The following DRC3 variants were observed in gnomAD, a reference collection of about 807,000 sequenced individuals.
DRC3 encodes the protein leucine rich repeat containing 48.
In DRC3, 45 loss-of-function variants were observed where a neutral mutation model predicts 57.6. That is an observed-to-expected ratio of 0.78 (90% CI 0.62 to 1.00). DRC3 has a LOEUF of 1.00. Ranked by LOEUF, DRC3 falls within the 50% of genes least tolerant of loss-of-function variation. The pLI is 0.00. For missense variants in DRC3, 655 were observed against 675.2 expected (o/e 0.97, Z 0.33); for synonymous variants, 257 against 272.3 (o/e 0.94, Z 0.55).
intron 9 of DRC3, among the ~76,000 whole-genome samples, chr17:18,001,649 G>C (rs2043735486): frequency 6.6e-6 from 1 of 151,814 alleles, no homozygotes; most frequent in African/African-American, 2.4e-5. Context: ...AAATTTTTTT[G>C]GCTGGGGGAG....
intron 3 of DRC3, among the ~76,000 whole-genome samples, chr17:17,979,657 G>T (rs1461543108): frequency 6.6e-6 from 1 of 152,208 alleles, no homozygotes; most frequent in Non-Finnish European, 1.5e-5. Flanking sequence ...CCGGCATGCT[G>T]GCGTGTGTGG....
At chr17:18,009,231 T>C (rs578191122) in intron 12 of DRC3, among the ~76,000 whole-genome samples, 39 of 152,234 alleles carry the variant, frequency 2.6e-4, no homozygotes, top group Non-Finnish European at 4.0e-4. Flanking sequence ...CTGGGTAACA[T>C]AGCGAGACCC....
At position 17,982,053 on chromosome 17, in the gene DRC3, C is replaced by T. The variant is rs1474457957; in HGVS notation, c.161-1775C>T. Among the ~76,000 whole-genome samples, 6 of 151,268 alleles carry T rather than the reference C, an allele frequency of 4.0e-5. No individual in the cohort carries two copies. In the East Asian group the frequency reaches 1.2e-3, roughly 30 times the overall value. ...TGTCATCCAGGCTGGAGTTCAGTGG[C>T]GTAATCTAGGCTCACTGCAACCTCT... On this transcript the variant is annotated intron_variant, in intron 3 of 13. Coordinates refer to ENST00000399187, the MANE Select transcript of DRC3 (RefSeq NM_031294.4).
chr17:17,985,509 G>C (rs984968785), intron 4 of DRC3, among the ~76,000 whole-genome samples: 1 of 152,188 alleles, frequency 6.6e-6, no homozygotes, highest in African/African-American at 2.4e-5. Context: ...TGAGGATGGG[G>C]GTTAGGGAGG....
chr17:17,999,623 T>C (rs916727890), intron 9 of DRC3, among the ~76,000 whole-genome samples: 9 of 152,330 alleles, frequency 5.9e-5, no homozygotes, highest in African/African-American at 1.9e-4. Flanking sequence ...GCTGCAGCCA[T>C]GTAAGGCTTG....
At chr17:18,014,482 A>C (rs1217808243) in intron 12 of DRC3, among the ~76,000 whole-genome samples, 2 of 152,224 alleles carry the variant, frequency 1.3e-5, no homozygotes, top group Non-Finnish European at 2.9e-5. Context: ...ACAACTTGTA[A>C]CTCACATTTC....
chr17:17,980,883 G>A (rs1185418244), intron 3 of DRC3, among the ~76,000 whole-genome samples: 2 of 152,164 alleles, frequency 1.3e-5, no homozygotes, highest in Non-Finnish European at 2.9e-5. Context: ...GTGAGCCACC[G>A]CACCTAGCCA....
intron 12 of DRC3, among the ~76,000 whole-genome samples, chr17:18,014,346 C>T (rs1054308254): frequency 6.6e-6 from 1 of 152,236 alleles, no homozygotes; most frequent in Non-Finnish European, 1.5e-5. Flanking sequence ...TGCACAGCCC[C>T]TGCCTCCACC....
intron 8 of DRC3, among the ~76,000 whole-genome samples, chr17:17,996,834 A>G (rs967493499): frequency 2.0e-5 from 3 of 152,164 alleles, no homozygotes; most frequent in African/African-American, 4.8e-5. Context: ...AGGATCACCA[A>G]GGTCCTGTAG....
chr17:17,998,504 CA>C (rs1419360139), intron 9 of DRC3, among the ~76,000 whole-genome samples: 1 of 152,174 alleles, frequency 6.6e-6, no homozygotes, highest in Non-Finnish European at 1.5e-5. Context: ...TCTTTTTCCT[CA>C]AAAAACTGTT....
intron 6 of DRC3, chr17:17,994,008 G>T (rs568507044): frequency 1.8e-4 from 65 of 368,574 alleles, no homozygotes; most frequent in African/African-American, 1.2e-3. Context: ...GCGCTCCATT[G>T]CTGTGGCTCC....
rs117403258 is a variant in DRC3 at position 18,010,881 on chromosome 17, G to A, written c.1326+3734G>A. The A allele has an allele frequency of 3.5e-3, 1,266 of 356,830 alleles. 10 individuals are homozygous for A. The highest frequency in any genetic ancestry group is 0.028 in the East Asian group (315 of 11,232). 22.1% of individuals were successfully genotyped at this position (356,830 alleles called of 1,614,324 possible). A position where few individuals can be genotyped will look rare whatever the true frequency, so the allele number is the denominator to read the frequency against. On this transcript the variant is annotated intron_variant, in intron 12 of 13. Transcript: ENST00000399187. Reference sequence around the variant, plus strand: ...TGGAAGAGATCTATCTCTTCTCCCCGCCCATCAAGTAGTCTGAGATCATTG... The same window carrying A: ...TGGAAGAGATCTATCTCTTCTCCCCACCCATCAAGTAGTCTGAGATCATTG...
chr17:17,989,687 G>A (rs2043137251), intron 5 of DRC3: 1 of 152,296 alleles, frequency 6.6e-6, no homozygotes, highest in South Asian at 2.1e-4. Context: ...CCTCGGAAGT[G>A]TCCAGAATGC....
intron 5 of DRC3, among the ~76,000 whole-genome samples, chr17:17,991,641 CA>C (rs1361326103): frequency 6.6e-6 from 1 of 152,012 alleles, no homozygotes; most frequent in African/African-American, 2.4e-5. Context: ...CTTTTAATGG[CA>C]AAAACCACAG....
chr17:18,003,267 G>A (rs1433029441), intron 9 of DRC3, among the ~76,000 whole-genome samples: 2 of 151,842 alleles, frequency 1.3e-5, no homozygotes, highest in Admixed American at 1.3e-4. Context: ...GGTGGATCAT[G>A]AGGTCAGGAG....
chr17:18,002,546 C>T (rs577663875), intron 9 of DRC3, among the ~76,000 whole-genome samples: 2 of 152,184 alleles, frequency 1.3e-5, no homozygotes, highest in Non-Finnish European at 2.9e-5. Context: ...CACTTGCTCA[C>T]TGGGGTTCTG....
chr17:17,980,029 C>T (rs1401739360), intron 3 of DRC3, among the ~76,000 whole-genome samples: 1 of 151,984 alleles, frequency 6.6e-6, no homozygotes, highest in Non-Finnish European at 1.5e-5. Context: ...CCACCCAGCC[C>T]TGGGAACCCA....
At chr17:17,982,510 T>C (rs2042748221) in intron 3 of DRC3, among the ~76,000 whole-genome samples, 1 of 138,514 alleles carries the variant, frequency 7.2e-6, no homozygotes, top group African/African-American at 2.7e-5. Context: ...CCACCACGCC[T>C]GGCCCACAGC....
intron 3 of DRC3, among the ~76,000 whole-genome samples, chr17:17,983,152 G>C (rs1288369558): frequency 1.3e-5 from 2 of 152,196 alleles, no homozygotes; most frequent in African/African-American, 4.8e-5. Context: ...ACAGGCCACA[G>C]GGGCCAGGCA....
Sources: allele counts gnomAD v4.1 joint callset (sites outside exome capture counted in the v4.1 genomes callset), GRCh38; gene constraint gnomAD v4.1.1; transcripts MANE v1.5; gene names NCBI Gene and HGNC (gene_info 2026-07-23, HGNC 2026-07-21).